Variants in DLC1 observed in about 807,000 individuals in gnomAD.
The protein encoded by DLC1 is rho GTPase-activating protein 7.
Under a neutral mutation model 140.3 loss-of-function variants are expected in DLC1, and 54 were observed. The ratio of observed to expected loss-of-function variants is 0.38; its 90% CI spans 0.31 to 0.48. The LOEUF is 0.48. Ranked by LOEUF, DLC1 falls within the 20% of genes least tolerant of loss-of-function variation. DLC1 has a pLI of 0.96. For missense variants in DLC1, 2,536 were observed against 1,907.0 expected (o/e 1.33, Z -6.14); for synonymous variants, 986 against 728.1 (o/e 1.35, Z -5.70).
rs1437303540 is a variant in DLC1, at chr8:13,552,187, A to G, written c.-125-51991T>C. On this transcript the variant is annotated intron_variant, in intron 1 of 1. Coordinates refer to the DLC1 transcript ENST00000631382. ...TATATCTGTCTAGAGGTGTATATATATACCTGTCTAGAGGTGTATATATAT... is the reference window on the plus strand; with the variant it reads ...TATATCTGTCTAGAGGTGTATATATGTACCTGTCTAGAGGTGTATATATAT... 1.4e-5 allele frequency among the ~76,000 whole-genome samples: 2 copies of G among 143,006 alleles called. 1 individual carries two copies. The highest frequency in any genetic ancestry group is 3.0e-5 in the Non-Finnish European group (2 of 65,696). The allele number at this position is 143,006 out of a possible 152,430, so 93.8% of individuals were successfully genotyped here. A position where few individuals can be genotyped will look rare whatever the true frequency, so the allele number is the denominator to read the frequency against.
chr8:13,224,861 C>T (rs1828716945), intron 5 of DLC1, among the ~76,000 whole-genome samples: 2 of 152,144 alleles, frequency 1.3e-5, no homozygotes, highest in South Asian at 2.1e-4. Flanking sequence ...GTCTTATGCA[C>T]CACGTTAGTT....
At chr8:13,426,136 G>T (rs1838568250) in intron 2 of DLC1, among the ~76,000 whole-genome samples, 1 of 151,920 alleles carries the variant, frequency 6.6e-6, no homozygotes, top group Non-Finnish European at 1.5e-5. Flanking sequence ...TTATTATTTT[G>T]GCAAGGAAGA....
At chr8:13,188,823 A>G (rs1327005402) in intron 5 of DLC1, among the ~76,000 whole-genome samples, 1,130 of 38,930 alleles carry the variant, frequency 0.029, 25 homozygotes, top group African/African-American at 0.08. Flanking sequence ...ATATATATAT[A>G]TATGTATATA....
chr8:13,100,887 A>T, intron 8 of DLC1, 117 bp from the exon 9 acceptor site: 1 of 1,007,510 alleles, frequency 9.9e-7, no homozygotes, highest in Non-Finnish European at 1.3e-6. Context: ...CTTGTACTTC[A>T]TGATTTTAAT....
intron 1 of DLC1, among the ~76,000 whole-genome samples, chr8:13,521,004 C>G (rs1802748360): frequency 6.6e-6 from 1 of 152,078 alleles, no homozygotes; most frequent in Non-Finnish European, 1.5e-5. Context: ...CCTGATTGCC[C>G]AGCCCATGAG....
At chr8:13,522,976 C>T (rs1342923470) in intron 1 of DLC1, among the ~76,000 whole-genome samples, 10 of 151,784 alleles carry the variant, frequency 6.6e-5, no homozygotes, top group Admixed American at 6.6e-4. Flanking sequence ...ATTAATGTGG[C>T]TAAAATGGAA....
chr8:13,472,549 A>T (rs1236379916), intron 2 of DLC1, among the ~76,000 whole-genome samples: 2 of 152,206 alleles, frequency 1.3e-5, no homozygotes, highest in Non-Finnish European at 2.9e-5. Context: ...TGTCCCCAGA[A>T]ATCTTTAGTA....
intron 1 of DLC1, among the ~76,000 whole-genome samples, chr8:13,552,117 A>G (rs1298643795): frequency 2.4e-5 from 3 of 122,950 alleles, no homozygotes; most frequent in African/African-American, 8.9e-5. Context: ...AGGTGTATAT[A>G]TATATATATA....
intron 1 of DLC1, among the ~76,000 whole-genome samples, chr8:13,555,605 C>T (rs1804015774): frequency 6.6e-6 from 1 of 152,056 alleles, no homozygotes; most frequent in African/African-American, 2.4e-5. Flanking sequence ...GATTCTCCTG[C>T]CTCTGCCTCC....
intron 16 of DLC1, among the ~76,000 whole-genome samples, chr8:13,088,196 C>T (rs753735276): frequency 2.7e-5 from 4 of 150,812 alleles, no homozygotes; most frequent in Non-Finnish European, 2.9e-5. Flanking sequence ...CCTCCTGCCT[C>T]GGCCTCCCGA....
chr8:13,410,610 A>C (rs770468829), intron 2 of DLC1, among the ~76,000 whole-genome samples: 11 of 152,108 alleles, frequency 7.2e-5, no homozygotes, highest in Admixed American at 3.9e-4. Context: ...AGACTATAAA[A>C]TACCTAGAAG....
chr8:13,132,699 G>A (rs1382906564), intron 5 of DLC1, among the ~76,000 whole-genome samples: 1 of 152,202 alleles, frequency 6.6e-6, no homozygotes, highest in African/African-American at 2.4e-5. Flanking sequence ...TGGTGCGCTG[G>A]CCCGCGGTCC....
intron 5 of DLC1, among the ~76,000 whole-genome samples, chr8:13,175,972 T>A (rs990749741): frequency 6.6e-6 from 1 of 152,228 alleles, no homozygotes; most frequent in Non-Finnish European, 1.5e-5. Context: ...TCATATAGTA[T>A]GTAGCACATC....
intron 4 of DLC1, among the ~76,000 whole-genome samples, chr8:13,355,563 C>T (rs1343309056): frequency 2.0e-5 from 3 of 152,130 alleles, no homozygotes; most frequent in East Asian, 1.9e-4. Flanking sequence ...GACAAGAATC[C>T]TATCAGATCA....
At chr8:13,203,579 G>A (rs1419787667) in intron 5 of DLC1, among the ~76,000 whole-genome samples, 1 of 152,182 alleles carries the variant, frequency 6.6e-6, no homozygotes, top group Non-Finnish European at 1.5e-5. Flanking sequence ...TGACACGTCT[G>A]GACAGAAGTG....
At chr8:13,291,065 G>T (rs996624505) in intron 5 of DLC1, among the ~76,000 whole-genome samples, 1 of 152,120 alleles carries the variant, frequency 6.6e-6, no homozygotes. Context: ...GTGCCACCAC[G>T]CCTGGCTAAT....
At position 13,463,104 on chromosome 8, in the gene DLC1, T is replaced by G. The variant is rs370203650; in HGVS notation, c.1023+35945A>C. ...CAAACAAAAAACAAGCAAAGGTAGT[T>G]TATGAGCTGGTTTTATTTATTTATT... On this transcript the variant is annotated intron_variant, in intron 2 of 17. Coordinates refer to ENST00000276297, the MANE Select transcript of DLC1 (RefSeq NM_182643.3). 1.7e-3 allele frequency among the ~76,000 whole-genome samples: 261 copies of G among 152,128 alleles called. 1 individual carries two copies. Among genetic ancestry groups the G allele is most frequent in the Non-Finnish European group, 3.2e-3 (221 of 68,010 alleles).
At chr8:13,149,379 C>A (rs144090643) in intron 5 of DLC1, among the ~76,000 whole-genome samples, 1 of 152,130 alleles carries the variant, frequency 6.6e-6, no homozygotes, top group East Asian at 1.9e-4. Context: ...CATTTCCTAC[C>A]CCCAGAACTT....
chr8:13,308,267 C>G (rs143870242), intron 4 of DLC1, among the ~76,000 whole-genome samples: 4 of 152,314 alleles, frequency 2.6e-5, no homozygotes, highest in South Asian at 4.1e-4. Flanking sequence ...TGTCACCACA[C>G]TCTGCATGAC....
Sources: allele counts gnomAD v4.1 joint callset (sites outside exome capture counted in the v4.1 genomes callset), GRCh38; gene constraint gnomAD v4.1.1; transcripts MANE v1.5; gene names NCBI Gene and HGNC (gene_info 2026-07-23, HGNC 2026-07-21).